F2: variants seen among roughly 807,000 people sequenced by gnomAD.
F2 encodes the protein prothrombin.
A neutral mutation model predicts 81.9 loss-of-function variants in F2; 34 were observed. That is an observed-to-expected ratio of 0.42 (90% CI 0.32 to 0.55). The LOEUF is 0.55. F2 is among the 20% of genes least tolerant of loss of function. The pLI is 0.18. For missense variants in F2, 630 were observed against 833.4 expected (o/e 0.76, Z 3.00); for synonymous variants, 296 against 326.4 (o/e 0.91, Z 1.01).
chr11:46,719,452 A>G lies in F2; in HGVS notation c.79+138A>G. ...CCCCAGGCGGCCAGCTTAGGGAAGAAGTCAGGAGCTCAGGGCTGGAAAGAG... is the reference window on the plus strand; with the variant it reads ...CCCCAGGCGGCCAGCTTAGGGAAGAGGTCAGGAGCTCAGGGCTGGAAAGAG... On this transcript the variant is annotated intron_variant, in intron 1 of 13. Transcript: ENST00000311907. This position sits in a 1 kb window ranked among gnomAD's most constrained non-coding sequence, Gnocchi z 4.7. 1.9e-6 allele frequency: 2 copies of G among 1,077,468 alleles called. No homozygotes were observed. The allele number at this position is 1,077,468 out of a possible 1,614,324, so 66.7% of individuals were successfully genotyped here. A position where few individuals can be genotyped will look rare whatever the true frequency, so the allele number is the denominator to read the frequency against.
chr11:46,725,069 C>CTTTTTTTTTTTTT (rs71455298), intron 6 of F2, among the ~76,000 whole-genome samples: 1 of 106,246 alleles, frequency 9.4e-6, no homozygotes. Context: ...TGCGCCCGGC[C>CTTTTTTTTTTTTT]TTTTTTTTTT....
intron 12 of F2, among the ~76,000 whole-genome samples, chr11:46,730,366 T>G (rs1272292462): frequency 6.6e-6 from 1 of 152,038 alleles, no homozygotes; most frequent in Non-Finnish European, 1.5e-5. Context: ...GAGAAGGTGA[T>G]GTCTGGGCAG....
chr11:46,720,040 C>T (rs2064826757), intron 2 of F2, 178 bp downstream of exon 2: 2 of 835,648 alleles, frequency 2.4e-6, no homozygotes, highest in South Asian at 1.6e-5. Context: ...TCCTGGGGGT[C>T]TCTGTGCCTG....
intron 12 of F2, among the ~76,000 whole-genome samples, chr11:46,730,986 G>A (rs185425191): frequency 6.6e-6 from 1 of 151,774 alleles, no homozygotes; most frequent in Non-Finnish European, 1.5e-5. Context: ...GCACAATCTC[G>A]GCTCACTGCA....
chr11:46,733,831 T>C (rs1039277820), intron 12 of F2, among the ~76,000 whole-genome samples: 21 of 126,720 alleles, frequency 1.7e-4, no homozygotes, highest in Admixed American at 5.7e-4. Flanking sequence ...CTCTGTCACC[T>C]AGGCTGGAGT....
At chr11:46,739,168 G>C in intron 13 of F2, 50 bp downstream of exon 13, 1 of 1,613,710 alleles carries the variant, frequency 6.2e-7, no homozygotes, top group East Asian at 2.2e-5. Flanking sequence ...TCTGGGGGTG[G>C]GGAGAAACTC....
At chr11:46,733,888 A>G (rs886496255) in intron 12 of F2, among the ~76,000 whole-genome samples, 2 of 143,980 alleles carry the variant, frequency 1.4e-5, no homozygotes, top group Admixed American at 1.5e-4. Flanking sequence ...TTCTGGGTTC[A>G]AGCGATTCTC....
intron 12 of F2, among the ~76,000 whole-genome samples, chr11:46,736,425 G>C (rs1041768195): frequency 6.6e-6 from 1 of 151,824 alleles, no homozygotes; most frequent in African/African-American, 2.4e-5. Flanking sequence ...ACCTGACCTA[G>C]GTTTTATTTT....
chr11:46,735,483 A>G (rs897998120), intron 12 of F2, among the ~76,000 whole-genome samples: 2 of 151,964 alleles, frequency 1.3e-5, no homozygotes, highest in African/African-American at 2.4e-5. Context: ...TTAGCTGGGC[A>G]TGGTGGCATG....
intron 11 of F2, among the ~76,000 whole-genome samples, 187 bp downstream of exon 11, chr11:46,729,024 T>G (rs2064893973): frequency 6.6e-6 from 1 of 152,146 alleles, no homozygotes; most frequent in African/African-American, 2.4e-5. Flanking sequence ...CTGACGGAGT[T>G]CCACTCTTGT....
chr11:46,721,290 C>T (rs1396622538), intron 4 of F2, among the ~76,000 whole-genome samples: 1 of 152,200 alleles, frequency 6.6e-6, no homozygotes, highest in African/African-American at 2.4e-5. Context: ...GATCCACCCA[C>T]CTCGGCCTCA....
intron 6 of F2, among the ~76,000 whole-genome samples, chr11:46,724,455 G>A (rs540111215): frequency 6.6e-6 from 1 of 152,260 alleles, no homozygotes; most frequent in East Asian, 1.9e-4. Context: ...GCTGAAAGAA[G>A]GTACCTGGGA....
rs368442575 is a variant in F2 at position 46,739,354 on chromosome 11, T to C, written c.1815T>C (p.His605=). The change falls in exon 14 of 14, where the codon CAT becomes CAC. Residue 605 remains histidine, a synonymous_variant. Transcript: ENST00000311907. ...DRDGKYGFYT[H]VFRLKKWIQK... ...ATGGGAAATATGGCTTCTACACACATGTGTTCCGCCTGAAGAAGTGGATAC... is the reference window on the plus strand; with the variant it reads ...ATGGGAAATATGGCTTCTACACACACGTGTTCCGCCTGAAGAAGTGGATAC... 70 of 1,613,944 alleles carry C rather than the reference T, an allele frequency of 4.3e-5. 1 individual carries two copies. Among genetic ancestry groups the C allele is most frequent in the Non-Finnish European group, 5.3e-5 (63 of 1,179,962 alleles).
intron 6 of F2, among the ~76,000 whole-genome samples, chr11:46,724,062 C>A (rs2064856588): frequency 6.6e-6 from 1 of 152,174 alleles, no homozygotes; most frequent in East Asian, 1.9e-4. Context: ...GGCTGTGGCT[C>A]ATTCCAAACA....
chr11:46,733,315 C>CA (rs1365010307), intron 12 of F2, among the ~76,000 whole-genome samples: 1 of 152,172 alleles, frequency 6.6e-6, no homozygotes, highest in East Asian at 1.9e-4. Flanking sequence ...GCCAGCCTCC[C>CA]ACTTTAGCCT....
chr11:46,730,548 A>T (rs1228546877), intron 12 of F2, among the ~76,000 whole-genome samples: 1 of 144,396 alleles, frequency 6.9e-6, no homozygotes, highest in Non-Finnish European at 1.5e-5. Flanking sequence ...GAGGGGAGAG[A>T]GGGGGGCAGG....
Position 46,726,856 on chromosome 11 carries a change from C to A in F2, c.1130+19C>A, listed in dbSNP as rs527397741. 7 of 1,613,102 alleles carry A rather than the reference C, an allele frequency of 4.3e-6. No individual in the cohort carries two copies. The Admixed American group carries it at 5.0e-5, about 12-fold the overall frequency. ...CACCTTGGTGTGTCCTGGAGCCCTG[C>A]GCTACCATTCACTCCTGGGGGCAGG... On this transcript the variant is annotated intron_variant, in intron 9 of 13. Transcript: ENST00000311907. This position sits in a 1 kb window ranked among gnomAD's most constrained non-coding sequence, Gnocchi z 5.9.
In F2 at chr11:46,725,895, C is replaced by T; in HGVS notation, c.596C>T (p.Ser199Phe). 1 of 1,613,536 alleles carries T rather than the reference C, an allele frequency of 6.2e-7. No individual in the cohort carries two copies. Among genetic ancestry groups the T allele is most frequent in the African/African-American group, 1.3e-5 (1 of 75,044 alleles). ...GTCACTGTAGCGATGACTCCACGCT[C>T]CGAAGGCTCCAGTGTGAATCTGTCA... The part of the protein sequence containing the change: ...DQVTVAMTPR[S>F]EGSSVNLSPP... Residue 199 changes from serine to phenylalanine, a missense_variant, in exon 7 of 14, where the codon TCC (serine) becomes TTC (phenylalanine). Transcript: ENST00000311907.
rs762292061 is a variant in F2 at position 46,726,722 on chromosome 11, C to T, written c.1015C>T (p.Arg339Ter). The part of the protein sequence containing the change: ...FGSGEADCGL[R>*]PLFEKKSLED... ...GGCTTGCTCTGCAGACTGTGGGCTGCGACCTCTGTTCGAGAAGAAGTCGCT... is the reference window on the plus strand; with the variant it reads ...GGCTTGCTCTGCAGACTGTGGGCTGTGACCTCTGTTCGAGAAGAAGTCGCT... Residue 339 changes from arginine (R) to a stop codon, truncating the protein, a stop_gained, in exon 9 of 14, where the codon CGA becomes TGA. Transcript: ENST00000311907. LOFTEE classifies it high-confidence loss of function. This position sits in a 1 kb window ranked among gnomAD's most constrained non-coding sequence, Gnocchi z 5.9. 5 of 1,614,228 alleles carry T rather than the reference C, an allele frequency of 3.1e-6. No homozygotes were observed. The highest frequency in any genetic ancestry group is 2.2e-5 in the East Asian group (1 of 44,884).
Sources: allele counts gnomAD v4.1 joint callset (sites outside exome capture counted in the v4.1 genomes callset), GRCh38; gene constraint gnomAD v4.1.1; non-coding constraint Gnocchi (gnomAD v3.1); transcripts MANE v1.5; gene names NCBI Gene and HGNC (gene_info 2026-07-23, HGNC 2026-07-21).